The following RIMS1 variants were observed in gnomAD, a reference collection of about 807,000 sequenced individuals.
The protein encoded by RIMS1 is regulating synaptic membrane exocytosis protein 1.
RIMS1 carries 83 observed loss-of-function variants against 214.1 expected under a neutral mutation model. The observed-to-expected ratio is 0.39, with a 90% CI of 0.32 to 0.47. The LOEUF (loss-of-function observed/expected upper bound fraction) is 0.47, where lower values mean the gene tolerates loss of function less well. RIMS1 is among the 20% of genes least tolerant of loss of function. RIMS1 has a pLI of 0.99. For synonymous variants in RIMS1, 793 were observed against 786.8 expected (o/e 1.01, Z -0.13); for missense variants, 2,050 against 2,161.8 (o/e 0.95, Z 1.03).
At chr6:72,117,375 T>C (rs2037295823) in intron 4 of RIMS1, among the ~76,000 whole-genome samples, 1 of 151,978 alleles carries the variant, frequency 6.6e-6, no homozygotes, top group Non-Finnish European at 1.5e-5. Flanking sequence ...TGTAAGTATC[T>C]GTTAAGTCTG....
Position 72,126,766 on chromosome 6 carries a change from A to T in RIMS1, c.471+26780A>T, listed in dbSNP as rs1464088288. On this transcript the variant is annotated intron_variant, in intron 4 of 33. Coordinates refer to ENST00000521978, the MANE Select transcript of RIMS1 (RefSeq NM_014989.7). ...AATGGCTGTAATTAAAAAGTTAAAA[A>T]AAAAAAAAAAAAAAAAAGATGGTGA... 4.6e-5 allele frequency: 11 copies of T among 240,770 alleles called. No individual in the cohort carries two copies. The East Asian group carries it at 1.2e-3, about 26-fold the overall frequency. The allele number at this position is 240,770 out of a possible 1,614,324, so 14.9% of individuals were successfully genotyped here. A position where few individuals can be genotyped will look rare whatever the true frequency, so the allele number is the denominator to read the frequency against.
chr6:72,187,231 C>T (rs1167059613), intron 6 of RIMS1, among the ~76,000 whole-genome samples: 1 of 152,054 alleles, frequency 6.6e-6, no homozygotes, highest in Non-Finnish European at 1.5e-5. Flanking sequence ...TGCTGCAACC[C>T]AACTTAAAAT....
In RIMS1 at chr6:72,387,040, C is replaced by T. The variant is rs1028700431; in HGVS notation, c.4367-3558C>T. On this transcript the variant is annotated intron_variant, in intron 29 of 33. Transcript: ENST00000521978. ...TGAGCCACTGCGCTCGGCCTATTCA[C>T]TGTCTTTCTTGTATACACACGCAAA... Among the ~76,000 whole-genome samples the T allele has an allele frequency of 3.9e-5, 6 of 152,206 alleles. No individual in the cohort carries two copies. In the South Asian group the frequency reaches 1.0e-3, roughly 26 times the overall value.
intron 29 of RIMS1, among the ~76,000 whole-genome samples, chr6:72,348,809 A>G (rs966485528): frequency 2.0e-5 from 3 of 151,996 alleles, no homozygotes; most frequent in African/African-American, 4.8e-5. Flanking sequence ...TGTCAAATAA[A>G]GTAATATTTT....
intron 2 of RIMS1, among the ~76,000 whole-genome samples, chr6:72,057,617 C>G (rs1313197110): frequency 4.6e-5 from 7 of 151,452 alleles, no homozygotes; most frequent in African/African-American, 1.7e-4. Flanking sequence ...ACGCCATTCT[C>G]CTGCTTCAGC....
chr6:72,122,521 C>T (rs1235434666), intron 4 of RIMS1, among the ~76,000 whole-genome samples: 1 of 151,714 alleles, frequency 6.6e-6, no homozygotes, highest in Non-Finnish European at 1.5e-5. Flanking sequence ...CCCTCTTTTT[C>T]TATTTATTGG....
rs569445437 is a variant in RIMS1 at position 72,066,186 on chromosome 6, A to G, written c.246-30763A>G. Among the ~76,000 whole-genome samples, 6 of 152,338 alleles carry G rather than the reference A, an allele frequency of 3.9e-5. No individual in the cohort carries two copies. The South Asian group carries it at 1.2e-3, about 32-fold the overall frequency. Reference sequence around the variant, plus strand: ...TAAATGATTCATTATCTTCTTACATATCTACAGATTTCAATATTCCCTTCA... The same window carrying G: ...TAAATGATTCATTATCTTCTTACATGTCTACAGATTTCAATATTCCCTTCA... On this transcript the variant is annotated intron_variant, in intron 2 of 33. Coordinates refer to ENST00000521978, the MANE Select transcript of RIMS1 (RefSeq NM_014989.7).
At chr6:72,075,625 T>A (rs1291057929) in intron 2 of RIMS1, among the ~76,000 whole-genome samples, 1 of 152,192 alleles carries the variant, frequency 6.6e-6, no homozygotes, top group African/African-American at 2.4e-5. Context: ...TTAAAAAAAA[T>A]TATTTAACTA....
At chr6:72,387,607 G>A (rs1440911627) in intron 29 of RIMS1, among the ~76,000 whole-genome samples, 2 of 152,210 alleles carry the variant, frequency 1.3e-5, no homozygotes, top group Non-Finnish European at 2.9e-5. Context: ...CCTGCCTTCG[G>A]TAAGTGTGCA....
At chr6:72,373,265 A>G (rs1461706657) in intron 29 of RIMS1, among the ~76,000 whole-genome samples, 2 of 152,204 alleles carry the variant, frequency 1.3e-5, no homozygotes, top group African/African-American at 2.4e-5. Context: ...CTGCTTTAGT[A>G]TTGCATAAGC....
At chr6:72,330,165 C>G (rs2096611580) in intron 28 of RIMS1, among the ~76,000 whole-genome samples, 1 of 151,730 alleles carries the variant, frequency 6.6e-6, no homozygotes, top group Non-Finnish European at 1.5e-5. Flanking sequence ...ACAAGGGAAT[C>G]AAATTCTTTG....
intron 2 of RIMS1, among the ~76,000 whole-genome samples, chr6:72,038,107 AAAAAAAAAAAAATATATAT>A (rs1820266848): frequency 4.8e-5 from 4 of 82,498 alleles, no homozygotes; most frequent in Non-Finnish European, 8.6e-5. Flanking sequence ...AAAAAAAAAA[AAAAAAAAAAAAATATATAT>A]ATATATATAT....
intron 6 of RIMS1, 98 bp from the exon 7 acceptor site, chr6:72,233,672 TATG>T (rs1166872508): frequency 1.3e-5 from 11 of 866,914 alleles, no homozygotes; most frequent in East Asian, 5.3e-5. Flanking sequence ...CGCTCAAGCT[TATG>T]ATATTAAAAC....
Position 71,986,190 on chromosome 6 carries a change from G to GTT in RIMS1, c.245+17144_245+17145dup, listed in dbSNP as rs35395914. Reference sequence around the variant, plus strand: ...AGAAACCATCACAACTTTGGGTTTTGTTTTTTTTTTTTTTTTTTAATGTTT... The same window carrying GTT: ...AGAAACCATCACAACTTTGGGTTTTGTTTTTTTTTTTTTTTTTTTTAATGTTT... On this transcript the variant is annotated intron_variant, in intron 2 of 33. Coordinates refer to ENST00000521978, the MANE Select transcript of RIMS1 (RefSeq NM_014989.7). Among the ~76,000 whole-genome samples the GTT allele has an allele frequency of 5.3e-5, 7 of 131,792 alleles. No individual in the cohort carries two copies. In the South Asian group the frequency reaches 7.3e-4, roughly 14 times the overall value. The allele number at this position is 131,792 out of a possible 152,430, so 86.5% of individuals were successfully genotyped here. A position where few individuals can be genotyped will look rare whatever the true frequency, so the allele number is the denominator to read the frequency against.
intron 2 of RIMS1, among the ~76,000 whole-genome samples, chr6:72,095,111 C>T (rs975281997): frequency 1.6e-4 from 20 of 126,184 alleles, no homozygotes; most frequent in South Asian, 8.6e-4. Context: ...CCACCACGCC[C>T]GACTATTTTT....
chr6:72,220,098 G>A (rs1195327766), intron 6 of RIMS1, among the ~76,000 whole-genome samples: 2 of 152,130 alleles, frequency 1.3e-5, no homozygotes, highest in East Asian at 3.9e-4. Context: ...CATTTTCTCT[G>A]AGTATGGTTT....
chr6:72,281,189 C>A (rs2089946278), intron 23 of RIMS1, among the ~76,000 whole-genome samples: 1 of 152,038 alleles, frequency 6.6e-6, no homozygotes, highest in Non-Finnish European at 1.5e-5. Flanking sequence ...TAAGCGAGAA[C>A]AAAGTGTTCT....
chr6:72,228,592 C>G (rs549415895), intron 6 of RIMS1, among the ~76,000 whole-genome samples: 128 of 151,980 alleles, frequency 8.4e-4, no homozygotes, highest in African/African-American at 3.0e-3. Flanking sequence ...GTTTCAACCT[C>G]TTGGCTATAG....
chr6:72,063,998 G>C (rs1431660766), intron 2 of RIMS1, among the ~76,000 whole-genome samples: 2 of 152,024 alleles, frequency 1.3e-5, no homozygotes, highest in South Asian at 2.1e-4. Context: ...CTTTTATAAG[G>C]AGTCCAGTCA....
Sources: allele counts gnomAD v4.1 joint callset (sites outside exome capture counted in the v4.1 genomes callset), GRCh38; gene constraint gnomAD v4.1.1; transcripts MANE v1.5; gene names NCBI Gene and HGNC (gene_info 2026-07-23, HGNC 2026-07-21).